The following SIDT1 variants were observed in gnomAD, a reference collection of about 807,000 sequenced individuals.
SIDT1 encodes the protein SID1 transmembrane family member 1, also known as SID1 transmembrane family, member 1.
SIDT1 carries 101 observed loss-of-function variants against 107.5 expected under a neutral mutation model. That is an observed-to-expected ratio of 0.94 (90% CI 0.80 to 1.11). The LOEUF is 1.11. SIDT1 is among the 50% of genes least tolerant of loss of function. The pLI, the probability that SIDT1 is intolerant of heterozygous loss-of-function variation, is 0.00. For synonymous variants in SIDT1, 395 were observed against 398.2 expected, an observed-to-expected ratio of 0.99 and a Z score of 0.10; for missense variants, 1,076 against 1,058.2, an observed-to-expected ratio of 1.02 and a Z score of -0.23.
rs371089499 is a variant in SIDT1, at chr3:113,560,644, G to C, written c.223-5776G>C. On this transcript the variant is annotated intron_variant, in intron 1 of 24. Transcript: ENST00000264852. Reference sequence around the variant, plus strand: ...TACTGTTGTAGCTGTTTTACAAGTGGAGTCAGTTTTCCAAGATCATACGGG... The same window carrying C: ...TACTGTTGTAGCTGTTTTACAAGTGCAGTCAGTTTTCCAAGATCATACGGG... Among the ~76,000 whole-genome samples the C allele has an allele frequency of 5.3e-4, 81 of 152,288 alleles. 1 individual carries two copies. The highest frequency in any genetic ancestry group is 1.9e-3 in the African/African-American group (79 of 41,556).
intron 20 of SIDT1, among the ~76,000 whole-genome samples, chr3:113,616,864 T>C (rs1946146418): frequency 6.7e-6 from 1 of 150,232 alleles, no homozygotes; most frequent in African/African-American, 2.5e-5. Context: ...AATTTTGTAT[T>C]TTTAGTAGAG....
At chr3:113,607,535 G>C (rs1214382212) in intron 15 of SIDT1, among the ~76,000 whole-genome samples, 2 of 152,232 alleles carry the variant, frequency 1.3e-5, no homozygotes, top group African/African-American at 4.8e-5. Flanking sequence ...CGCAAACCCA[G>C]CCCTGTGGCC....
Position 113,624,486 on chromosome 3 carries a change from A to G in SIDT1, c.2307+753A>G, listed in dbSNP as rs536853083. ...CCGTTGTACTGATATATCACATTTT[A>G]TCTACCTGCTCATCAGTTGATGGAC... On this transcript the variant is annotated intron_variant, in intron 23 of 24. Transcript: ENST00000264852. Among the ~76,000 whole-genome samples, 5 of 152,258 alleles carry G rather than the reference A, an allele frequency of 3.3e-5. No homozygotes were observed. The East Asian group carries it at 9.6e-4, about 29-fold the overall frequency.
At chr3:113,588,032 A>AATCC (rs1314279724) in intron 9 of SIDT1, among the ~76,000 whole-genome samples, 3 of 152,204 alleles carry the variant, frequency 2.0e-5, no homozygotes, top group Non-Finnish European at 4.4e-5. Context: ...TCTAATCCTG[A>AATCC]TGTTTTAGAT....
rs537411751 is a variant in SIDT1 at position 113,547,743 on chromosome 3, C to T, written c.222+14500C>T. The stretch of plus-strand genomic sequence containing the variant: ...TCCCAAGAACCAGGAAGTTTTCTCC[C>T]TATTTGGACCACTGAAAAGCATTTT... On this transcript the variant is annotated intron_variant, in intron 1 of 24. Transcript: ENST00000264852. 5.9e-5 allele frequency among the ~76,000 whole-genome samples: 9 copies of T among 152,184 alleles called. No homozygotes were observed. The East Asian group carries it at 1.7e-3, about 29-fold the overall frequency.
Position 113,611,077 on chromosome 3 carries a change from TC to T in SIDT1, c.1791del (p.Asn598MetfsTer44), listed in dbSNP as rs1261603020. On this transcript the variant is annotated frameshift_variant, in exon 18 of 25. Transcript: ENST00000264852. LOFTEE classifies it high-confidence loss of function. ...LKLYQTRHPD[I>X]NASAYSAYAS... ...CTCTATCAGACCCGCCACCCAGACA[TC>T]AATGCCAGCGCCTACTCTGCCTATG... The T allele has an allele frequency of 3.1e-6, 5 of 1,613,996 alleles. No homozygotes were observed. The highest frequency in any genetic ancestry group is 4.2e-6 in the Non-Finnish European group (5 of 1,180,004).
chr3:113,583,747 A>T (rs1371823008), intron 7 of SIDT1, among the ~76,000 whole-genome samples: 1 of 152,232 alleles, frequency 6.6e-6, no homozygotes, highest in Non-Finnish European at 1.5e-5. Context: ...CCCTCAGACC[A>T]TGGAAGATAA....
intron 4 of SIDT1, among the ~76,000 whole-genome samples, chr3:113,580,025 T>C (rs937174307): frequency 1.3e-5 from 2 of 152,218 alleles, no homozygotes; most frequent in African/African-American, 4.8e-5. Flanking sequence ...TGTGAATGTA[T>C]TTCTGGGGAC....
rs780031362 is a variant in SIDT1, at chr3:113,583,492, C to T, written c.831C>T (p.Ile277=). ...EDYACGGSFF[I]QEKENQTWNL... ...ATGCCTGTGGAGGATCTTTCTTCAT[C>T]CAGGGTAAGAGCTAGTGAGGAACAC... The change falls in exon 7 of 25, where the codon ATC becomes ATT. Residue 277 remains isoleucine, a synonymous_variant. Coordinates refer to ENST00000264852, the MANE Select transcript of SIDT1 (RefSeq NM_017699.3). 2 of 1,590,018 alleles carry T rather than the reference C, an allele frequency of 1.3e-6. No individual in the cohort carries two copies. The highest frequency in any genetic ancestry group is 1.7e-6 in the Non-Finnish European group (2 of 1,162,810).
chr3:113,619,597 A>C, intron 20 of SIDT1, 83 bp from the exon 21 acceptor site: 3 of 1,186,576 alleles, frequency 2.5e-6, no homozygotes, highest in Non-Finnish European at 3.7e-6. Context: ...TTGTTTTCCC[A>C]TAGTTGATAC....
chr3:113,602,926 A>G, intron 11 of SIDT1, 79 bp from the exon 12 acceptor site: 4 of 1,490,612 alleles, frequency 2.7e-6, no homozygotes, highest in East Asian at 2.3e-5. Context: ...ATGAGTCTGC[A>G]CTGTGCTTTT....
chr3:113,571,899 T>A (rs1193118603), intron 3 of SIDT1, among the ~76,000 whole-genome samples: 1 of 152,114 alleles, frequency 6.6e-6, no homozygotes, highest in African/African-American at 2.4e-5. Context: ...TGCACCACTG[T>A]ACTCCAGCCT....
At chr3:113,612,057 A>G in intron 18 of SIDT1, 29 bp from the exon 19 acceptor site, 1 of 1,537,816 alleles carries the variant, frequency 6.5e-7, no homozygotes, top group South Asian at 1.1e-5. Flanking sequence ...AAAACCTCAG[A>G]TGAAGGTAAC....
chr3:113,588,305 C>T (rs1017631366), intron 9 of SIDT1, among the ~76,000 whole-genome samples: 1 of 152,140 alleles, frequency 6.6e-6, no homozygotes. Flanking sequence ...AACTATTTGG[C>T]ATTCTAAATA....
intron 6 of SIDT1, among the ~76,000 whole-genome samples, chr3:113,582,683 C>A (rs1943448850): frequency 1.3e-5 from 2 of 152,054 alleles, no homozygotes; most frequent in African/African-American, 2.4e-5. Context: ...TTGCAATGAG[C>A]CGAGATCACG....
chr3:113,568,591 C>G (rs1220445727), intron 3 of SIDT1, among the ~76,000 whole-genome samples: 1 of 107,506 alleles, frequency 9.3e-6, no homozygotes, highest in Non-Finnish European at 2.0e-5. Context: ...AAGACTCTGT[C>G]TCAAAAAAAA....
chr3:113,549,899 A>G (rs1940023047), intron 1 of SIDT1, among the ~76,000 whole-genome samples: 1 of 152,184 alleles, frequency 6.6e-6, no homozygotes, highest in Non-Finnish European at 1.5e-5. Context: ...ATAATCCATT[A>G]TGAGTTAATT....
At chr3:113,573,964 G>A (rs893454663) in intron 3 of SIDT1, among the ~76,000 whole-genome samples, 3 of 152,186 alleles carry the variant, frequency 2.0e-5, no homozygotes, top group Non-Finnish European at 2.9e-5. Flanking sequence ...GCAGTGGGTG[G>A]AGGAAAGAAT....
intron 3 of SIDT1, among the ~76,000 whole-genome samples, chr3:113,575,139 T>C (rs1219631407): frequency 1.3e-5 from 2 of 152,206 alleles, no homozygotes; most frequent in African/African-American, 4.8e-5. Flanking sequence ...AGAAAGTGAA[T>C]ATCAAATCTT....
Sources: allele counts gnomAD v4.1 joint callset (sites outside exome capture counted in the v4.1 genomes callset), GRCh38; gene constraint gnomAD v4.1.1; transcripts MANE v1.5; gene names NCBI Gene and HGNC (gene_info 2026-07-23, HGNC 2026-07-21).